The following ATF7IP variants were observed in gnomAD, a reference collection of about 807,000 sequenced individuals.
ATF7IP encodes activating transcription factor 7-interacting protein 1.
A neutral mutation model predicts 106.4 loss-of-function variants in ATF7IP; 23 were observed. That is an observed-to-expected ratio of 0.22 (90% confidence interval 0.16 to 0.31). The LOEUF (loss-of-function observed/expected upper bound fraction) is 0.31. Ranked by LOEUF, ATF7IP falls within the 10% of genes least tolerant of loss-of-function variation. The probability of loss-of-function intolerance (pLI) is 1.00; values close to 1 mark genes in which losing one functional copy is unlikely to be tolerated. For synonymous variants in ATF7IP, 542 were observed against 539.0 expected, an observed-to-expected ratio of 1.01 and a Z score of -0.08; for missense variants, 1,334 against 1,524.3, an observed-to-expected ratio of 0.88 and a Z score of 2.08.
intron 1 of ATF7IP, among the ~76,000 whole-genome samples, chr12:14,389,773 A>G (rs981099987): frequency 6.6e-6 from 1 of 152,028 alleles, no homozygotes; most frequent in African/African-American, 2.4e-5. Context: ...GTTTACAGGC[A>G]TGCACCACCA....
chr12:14,479,337 C>T (rs1944358837), intron 12 of ATF7IP, among the ~76,000 whole-genome samples: 1 of 152,148 alleles, frequency 6.6e-6, no homozygotes, highest in Non-Finnish European at 1.5e-5. Context: ...TGCTTGCTAC[C>T]TTTCAAGAAG....
intron 1 of ATF7IP, among the ~76,000 whole-genome samples, chr12:14,376,986 G>A (rs1346756842): frequency 6.6e-6 from 1 of 151,628 alleles, no homozygotes; most frequent in African/African-American, 2.4e-5. Flanking sequence ...GGAAATTTGT[G>A]TTTATTTATT....
intron 2 of ATF7IP, among the ~76,000 whole-genome samples, chr12:14,426,101 G>A (rs909024585): frequency 1.5e-4 from 23 of 151,998 alleles, no homozygotes; most frequent in Admixed American, 2.6e-4. Context: ...GATATTGTCC[G>A]TCTATGTCTT....
In ATF7IP at chr12:14,438,334, T is replaced by C. The variant is rs1048330731; in HGVS notation, c.1929+67T>C. On this transcript the variant is annotated intron_variant, in intron 5 of 14. Transcript: ENST00000261168. Reference sequence around the variant, plus strand: ...TTTTTATAACTTATTTTCTGAGATATATATTTGAGATTAACTATAAAATAC... The same window carrying C: ...TTTTTATAACTTATTTTCTGAGATACATATTTGAGATTAACTATAAAATAC... 1.9e-5 allele frequency: 26 copies of C among 1,346,870 alleles called. No individual in the cohort carries two copies. The South Asian group carries it at 2.1e-4, about 11-fold the overall frequency. The allele number at this position is 1,346,870 out of a possible 1,614,324, so 83.4% of individuals were successfully genotyped here. A position where few individuals can be genotyped will look rare whatever the true frequency, so the allele number is the denominator to read the frequency against.
intron 1 of ATF7IP, among the ~76,000 whole-genome samples, chr12:14,378,786 C>T (rs1030815226): frequency 6.6e-6 from 1 of 152,110 alleles, no homozygotes; most frequent in Non-Finnish European, 1.5e-5. Context: ...AACTTTATAC[C>T]AGGATGCCTG....
At chr12:14,447,086 T>A in intron 6 of ATF7IP, 33 bp downstream of exon 6, 1 of 1,494,892 alleles carries the variant, frequency 6.7e-7, no homozygotes, top group Non-Finnish European at 9.1e-7. Context: ...TAATTAATAT[T>A]TAGCACTAAG....
At chr12:14,391,028 G>C (rs1201455054) in intron 1 of ATF7IP, among the ~76,000 whole-genome samples, 2 of 152,182 alleles carry the variant, frequency 1.3e-5, no homozygotes, top group Non-Finnish European at 2.9e-5. Context: ...ACTTGCACAG[G>C]AAACAGTGAC....
At chr12:14,404,100 T>A (rs1324167304) in intron 1 of ATF7IP, among the ~76,000 whole-genome samples, 1 of 150,532 alleles carries the variant, frequency 6.6e-6, no homozygotes, top group African/African-American at 2.4e-5. Flanking sequence ...AGGAAGACAA[T>A]ATGGGCATCT....
intron 1 of ATF7IP, among the ~76,000 whole-genome samples, chr12:14,367,039 A>G (rs533992971): frequency 1.3e-5 from 2 of 152,316 alleles, no homozygotes; most frequent in African/African-American, 4.8e-5. Flanking sequence ...GGGAAGTTAT[A>G]TAAGATTTGA....
chr12:14,425,077 A>G lies in ATF7IP; in HGVS notation c.1162A>G (p.Ser388Gly), dbSNP rs1281844713. The G allele has an allele frequency of 6.3e-7, 1 of 1,595,062 alleles. No homozygotes were observed. The highest frequency in any genetic ancestry group is 1.2e-5 in the South Asian group (1 of 86,682). Residue 388 changes from serine to glycine, a missense_variant, in exon 2 of 15, where the codon AGC becomes GGC. By Grantham distance (56) the Ser-to-Gly change is moderately conservative. Around this residue, in one of 10 missense-constraint regions of ATF7IP, gnomAD observed 438 missense variants for 405.3 expected, o/e 1.08. Transcript: ENST00000261168. Reference protein sequence around the residue: ...ELALGEDAISSSMEIDQGEKN... With the variant: ...ELALGEDAISGSMEIDQGEKN... Reference sequence around the variant, plus strand: ...TGCTCTTGGAGAAGATGCTATATCTAGCAGTATGGAAATTGACCAAGGTGA... The same window carrying G: ...TGCTCTTGGAGAAGATGCTATATCTGGCAGTATGGAAATTGACCAAGGTGA...
At chr12:14,407,730 A>C (rs1359973362) in intron 1 of ATF7IP, among the ~76,000 whole-genome samples, 2 of 152,050 alleles carry the variant, frequency 1.3e-5, no homozygotes, top group Non-Finnish European at 2.9e-5. Flanking sequence ...TACTTGACAC[A>C]ATCTTAAGAT....
At chr12:14,431,637 G>A (rs1161910972) in intron 2 of ATF7IP, among the ~76,000 whole-genome samples, 1 of 151,894 alleles carries the variant, frequency 6.6e-6, no homozygotes, top group Admixed American at 6.6e-5. Flanking sequence ...CTTGTGATCC[G>A]CCCGCCTCGG....
intron 10 of ATF7IP, among the ~76,000 whole-genome samples, chr12:14,473,437 T>A (rs1413734282): frequency 6.6e-6 from 1 of 152,110 alleles, no homozygotes; most frequent in East Asian, 1.9e-4. Flanking sequence ...TCCTTAAATA[T>A]GACGTTCATG....
chr12:14,411,778 T>A (rs541221958), intron 1 of ATF7IP, among the ~76,000 whole-genome samples: 78 of 152,290 alleles, frequency 5.1e-4, no homozygotes, highest in Admixed American at 1.4e-3. Flanking sequence ...AGTTTTAATT[T>A]TGATGAAGTT....
intron 13 of ATF7IP, among the ~76,000 whole-genome samples, chr12:14,489,463 G>T (rs1415099407): frequency 6.6e-6 from 1 of 152,092 alleles, no homozygotes; most frequent in African/African-American, 2.4e-5. Context: ...ACGTAATGTC[G>T]CAGGAACAGG....
intron 1 of ATF7IP, among the ~76,000 whole-genome samples, chr12:14,404,062 C>G (rs551954517): frequency 6.6e-6 from 1 of 150,822 alleles, no homozygotes; most frequent in Non-Finnish European, 1.5e-5. Context: ...AAATCTGGCT[C>G]ATAAACATTG....
intron 1 of ATF7IP, among the ~76,000 whole-genome samples, chr12:14,382,533 T>C (rs1451184468): frequency 6.6e-6 from 1 of 152,210 alleles, no homozygotes; most frequent in African/African-American, 2.4e-5. Flanking sequence ...AAAGTTATTT[T>C]TTCCATCTTG....
At chr12:14,467,914 T>C (rs1043126289) in intron 10 of ATF7IP, among the ~76,000 whole-genome samples, 2 of 152,188 alleles carry the variant, frequency 1.3e-5, no homozygotes, top group African/African-American at 4.8e-5. Context: ...AGATACAGAC[T>C]GTTTTCATCA....
intron 1 of ATF7IP, among the ~76,000 whole-genome samples, chr12:14,380,031 T>C (rs1047675059): frequency 3.3e-5 from 5 of 152,182 alleles, no homozygotes; most frequent in Admixed American, 2.0e-4. Context: ...TTTGGATGGA[T>C]ACTCCAATTG....
Sources: gnomAD v4.1 joint callset for allele counts (sites outside exome capture counted in the v4.1 genomes callset) on GRCh38, gnomAD v4.1.1 for gene constraint, gnomAD v4.1.1 regional missense constraint, MANE v1.5 for transcripts, NCBI Gene and HGNC (gene_info 2026-07-23, HGNC 2026-07-21) for gene names.